Variants in NELL1 observed in about 807,000 individuals in gnomAD.
The protein encoded by NELL1 is protein kinase C-binding protein NELL1.
NELL1 carries 76 observed loss-of-function variants against 107.4 expected under a neutral mutation model. The observed-to-expected ratio is 0.71, with a 90% CI of 0.59 to 0.86. NELL1 has a LOEUF of 0.86. NELL1 is among the 40% of genes least tolerant of loss of function. NELL1 has a pLI of 0.00. For synonymous variants in NELL1, 353 were observed against 341.2 expected (o/e 1.03, Z -0.38); for missense variants, 1,024 against 1,005.5 (o/e 1.02, Z -0.25).
chr11:20,897,225 A>G (rs1849761269), intron 5 of NELL1, among the ~76,000 whole-genome samples: 1 of 152,198 alleles, frequency 6.6e-6, no homozygotes, highest in Non-Finnish European at 1.5e-5. Context: ...ATATAGACTA[A>G]TGGAACAGAA....
intron 12 of NELL1, among the ~76,000 whole-genome samples, chr11:21,071,491 A>G (rs1053821524): frequency 6.6e-6 from 1 of 152,226 alleles, no homozygotes; most frequent in Non-Finnish European, 1.5e-5. Context: ...TTGAAAAACT[A>G]CAAAGAATAT....
intron 13 of NELL1, among the ~76,000 whole-genome samples, chr11:21,156,938 C>CA (rs374536207): frequency 0.59 from 82,662 of 139,476 alleles, 24,283 homozygotes; most frequent in Admixed American, 0.72. Context: ...ACTAAAAATA[C>CA]AAAAAAAAAA....
chr11:20,765,784 G>A (rs1051028354), intron 2 of NELL1, among the ~76,000 whole-genome samples: 2 of 151,958 alleles, frequency 1.3e-5, no homozygotes, highest in African/African-American at 4.8e-5. Flanking sequence ...ATATTAAGGG[G>A]ATTCAATTTT....
chr11:21,010,481 T>C (rs1425749728), intron 12 of NELL1, among the ~76,000 whole-genome samples: 2 of 152,048 alleles, frequency 1.3e-5, no homozygotes, highest in Non-Finnish European at 2.9e-5. Context: ...TAAACCCCAA[T>C]GCCTGGGGCA....
intron 15 of NELL1, among the ~76,000 whole-genome samples, chr11:21,430,205 A>G (rs556248976): frequency 1.3e-5 from 2 of 152,208 alleles, no homozygotes; most frequent in African/African-American, 2.4e-5. Context: ...ACAACACTCA[A>G]TTTACCTTTC....
chr11:20,949,624 T>C (rs1753719544), intron 11 of NELL1, among the ~76,000 whole-genome samples: 1 of 152,238 alleles, frequency 6.6e-6, no homozygotes, highest in Non-Finnish European at 1.5e-5. Flanking sequence ...AGGGATTTCA[T>C]TGCCCTGACC....
intron 14 of NELL1, among the ~76,000 whole-genome samples, chr11:21,262,815 A>G (rs958676436): frequency 1.3e-5 from 2 of 151,866 alleles, no homozygotes; most frequent in East Asian, 1.9e-4. Flanking sequence ...ATGTTCTGAC[A>G]TGATATCTTT....
At chr11:20,962,199 G>C (rs1851304410) in intron 12 of NELL1, among the ~76,000 whole-genome samples, 1 of 151,928 alleles carries the variant, frequency 6.6e-6, no homozygotes, top group African/African-American at 2.4e-5. Flanking sequence ...AATTTGGGGT[G>C]ATGGGAGTAT....
chr11:21,310,486 G>A (rs984251902), intron 14 of NELL1, among the ~76,000 whole-genome samples: 4 of 152,010 alleles, frequency 2.6e-5, no homozygotes, highest in African/African-American at 9.7e-5. Flanking sequence ...GTCAGAAGAT[G>A]TATCATTTCA....
intron 12 of NELL1, among the ~76,000 whole-genome samples, chr11:21,093,230 C>G (rs1213088891): frequency 6.6e-6 from 1 of 152,180 alleles, no homozygotes. Flanking sequence ...AAACATACCA[C>G]TGAAGCCAGG....
chr11:20,879,513 G>A lies in NELL1; in HGVS notation c.507-5931G>A, dbSNP rs149806185. 7.8e-4 allele frequency among the ~76,000 whole-genome samples: 119 copies of A among 152,146 alleles called. 2 individuals carry two copies. Among genetic ancestry groups the A allele is most frequent in the East Asian group, 4.8e-3 (25 of 5,176 alleles). ...TTGACTAGGGAAAATGCTTACTACCGGACTGGGTGAAAGTGTTAAGAGTAG... is the reference window on the plus strand; with the variant it reads ...TTGACTAGGGAAAATGCTTACTACCAGACTGGGTGAAAGTGTTAAGAGTAG... On this transcript the variant is annotated intron_variant, in intron 4 of 19. Coordinates refer to ENST00000357134, the MANE Select transcript of NELL1 (RefSeq NM_006157.5).
chr11:20,859,313 G>T (rs960163829), intron 4 of NELL1, among the ~76,000 whole-genome samples: 1 of 152,196 alleles, frequency 6.6e-6, no homozygotes, highest in African/African-American at 2.4e-5. Context: ...TTAGATGCTA[G>T]AAGGCTTATG....
In NELL1 at chr11:21,570,779, T is replaced by C. The variant is rs746471922; in HGVS notation, c.1996T>C (p.Cys666Arg). ...TTCTAAACAGGATGGCAAGATATTC[T>C]GCCGACGGACAGCTTGTGATTGCCA... ...VCSCKDGKIF[C>R]RRTACDCQNP... The change falls in exon 18 of 20, where the codon TGC (cysteine) becomes CGC (arginine). Residue 666 changes from cysteine (C) to arginine (R), a missense_variant. Coordinates refer to ENST00000357134, the MANE Select transcript of NELL1 (RefSeq NM_006157.5). 6.2e-7 allele frequency: 1 copy of C among 1,611,404 alleles called. No homozygotes were observed. The highest frequency in any genetic ancestry group is 1.7e-5 in the Admixed American group (1 of 59,810).
intron 15 of NELL1, among the ~76,000 whole-genome samples, chr11:21,404,075 T>A (rs1201839282): frequency 8.2e-6 from 1 of 122,558 alleles, no homozygotes; most frequent in Non-Finnish European, 1.6e-5. Context: ...ATAAATTCAA[T>A]CTCATTGTTG....
chr11:21,195,377 A>G (rs1857130705), intron 13 of NELL1, among the ~76,000 whole-genome samples: 1 of 152,150 alleles, frequency 6.6e-6, no homozygotes, highest in African/African-American at 2.4e-5. Flanking sequence ...AACCACTATC[A>G]GAAAATCGGA....
intron 13 of NELL1, among the ~76,000 whole-genome samples, chr11:21,209,375 AT>A (rs1206255472): frequency 1.3e-5 from 2 of 149,662 alleles, no homozygotes; most frequent in African/African-American, 4.9e-5. Context: ...TCTTACCCCC[AT>A]ATTACTATCA....
intron 3 of NELL1, among the ~76,000 whole-genome samples, chr11:20,787,199 T>C (rs922817047): frequency 6.6e-6 from 1 of 151,728 alleles, no homozygotes; most frequent in Non-Finnish European, 1.5e-5. Flanking sequence ...CATGTGTGTG[T>C]AGTCTGACAA....
intron 12 of NELL1, among the ~76,000 whole-genome samples, chr11:21,003,844 A>G (rs1465759625): frequency 2.0e-5 from 3 of 152,112 alleles, no homozygotes. Flanking sequence ...TCCATAAATT[A>G]TTGAAGTTCA....
Position 20,739,175 on chromosome 11 carries a change from A to G in NELL1, c.185-44505A>G, listed in dbSNP as rs371791186. Reference sequence around the variant, plus strand: ...AAAGCTCTGTTGGACGCACTGCCTGACAAAGAGCAGGGAACACGGCAACGT... The same window carrying G: ...AAAGCTCTGTTGGACGCACTGCCTGGCAAAGAGCAGGGAACACGGCAACGT... On this transcript the variant is annotated intron_variant, in intron 2 of 19. Transcript: ENST00000357134. 4.6e-5 allele frequency among the ~76,000 whole-genome samples: 7 copies of G among 152,336 alleles called. No homozygotes were observed. In the South Asian group the frequency reaches 1.4e-3, roughly 32 times the overall value.
Sources: allele counts gnomAD v4.1 joint callset (sites outside exome capture counted in the v4.1 genomes callset), GRCh38; gene constraint gnomAD v4.1.1; transcripts MANE v1.5; gene names NCBI Gene and HGNC (gene_info 2026-07-23, HGNC 2026-07-21).